SDAD1: variants seen among roughly 807,000 people sequenced by gnomAD.
SDAD1 encodes the protein SDA1 domain containing 1, also known as protein SDA1 homolog.
Under a neutral mutation model 100.3 loss-of-function variants are expected in SDAD1, and 79 were observed. That is an observed-to-expected ratio of 0.79 (90% CI 0.66 to 0.95). SDAD1 has a LOEUF of 0.95. Among genes scored for constraint, SDAD1 ranks in the 40% least tolerant of loss-of-function variants. The probability of loss-of-function intolerance (pLI) is 0.00; values close to 1 mark genes in which losing one functional copy is unlikely to be tolerated. For synonymous variants in SDAD1, 267 were observed against 271.4 expected, an observed-to-expected ratio of 0.98 and a Z score of 0.16; for missense variants, 790 against 810.9, an observed-to-expected ratio of 0.97 and a Z score of 0.31.
intron 21 of SDAD1, among the ~76,000 whole-genome samples, chr4:75,952,799 G>A (rs1397575607): frequency 6.6e-6 from 1 of 152,162 alleles, no homozygotes; most frequent in Non-Finnish European, 1.5e-5. Flanking sequence ...TTAACGACAT[G>A]CTGATTTCAA....
chr4:75,984,460 C>T (rs932651088), intron 1 of SDAD1, among the ~76,000 whole-genome samples: 6 of 152,180 alleles, frequency 3.9e-5, no homozygotes, highest in Non-Finnish European at 8.8e-5. Context: ...AGCCATAGCA[C>T]CTGGCTCCCC....
chr4:75,990,466 C>T (rs1230422895), intron 1 of SDAD1, among the ~76,000 whole-genome samples: 2 of 152,196 alleles, frequency 1.3e-5, no homozygotes, highest in Admixed American at 6.5e-5. Flanking sequence ...CTCTCCACTT[C>T]CGTGCGGACG....
intron 17 of SDAD1, among the ~76,000 whole-genome samples, chr4:75,959,541 T>C (rs1346729731): frequency 6.6e-6 from 1 of 151,678 alleles, no homozygotes; most frequent in South Asian, 2.1e-4. Context: ...GAGATGGAGG[T>C]TGCAGTGAGC....
rs1289281989 is a variant in SDAD1 at position 75,950,402 on chromosome 4, C to A, written c.*348G>T. On this transcript the variant is annotated 3_prime_UTR_variant, in exon 22 of 22. Transcript: ENST00000356260. The stretch of plus-strand genomic sequence containing the variant: ...AACTATTTACACTGCACTGTAAATA[C>A]ACATATGTGTGTCCACCCTCACAGC... 3 of 215,474 alleles carry A rather than the reference C, an allele frequency of 1.4e-5. No homozygotes were observed. The highest frequency in any genetic ancestry group is 2.9e-5 in the Non-Finnish European group (3 of 105,034). The allele number at this position is 215,474 out of a possible 1,614,324, so 13.3% of individuals were successfully genotyped here. A position where few individuals can be genotyped will look rare whatever the true frequency, so the allele number is the denominator to read the frequency against.
chr4:75,958,267 A>G (rs1729018817), intron 17 of SDAD1, among the ~76,000 whole-genome samples: 1 of 152,208 alleles, frequency 6.6e-6, no homozygotes, highest in Non-Finnish European at 1.5e-5. Context: ...CACTGAAATC[A>G]TGAAAATCAT....
rs4317227 is a variant in SDAD1 at position 75,967,810 on chromosome 4, G to A, written c.988-476C>T. 2.4e-4 allele frequency among the ~76,000 whole-genome samples: 23 copies of A among 96,510 alleles called. 1 individual carries two copies. The highest frequency in any genetic ancestry group is 6.4e-3 in the Middle Eastern group (1 of 156). 63.3% of individuals were successfully genotyped at this position (96,510 alleles called of 152,430 possible). ...TATTCTTGTATACCAGTCCAACCAC[G>A]TGGAAGGAGTTGGGTCCAACCACAT... On this transcript the variant is annotated intron_variant, in intron 11 of 21. Transcript: ENST00000356260.
At chr4:75,977,578 T>G (rs1730223314) in intron 4 of SDAD1, 68 bp downstream of exon 4, 1 of 975,730 alleles carries the variant, frequency 1.0e-6, no homozygotes, top group African/African-American at 1.6e-5. Context: ...GCATCGATAA[T>G]TCAAGAGACA....
intron 13 of SDAD1, among the ~76,000 whole-genome samples, chr4:75,965,409 C>T (rs114993797): frequency 2.3e-3 from 357 of 152,280 alleles, no homozygotes; most frequent in Non-Finnish European, 4.0e-3. Flanking sequence ...GTGATCTCGT[C>T]CTGCCTCCAT....
At chr4:75,981,586 A>G (rs3733238) in intron 2 of SDAD1, 116 bp from the exon 3 acceptor site, 367,108 of 1,528,954 alleles carry the variant, frequency 0.24, 46,371 homozygotes, top group East Asian at 0.37. Context: ...ATAGAAGTAG[A>G]TGGTTCCAAA....
Position 75,956,133 on chromosome 4 carries a change from C to A in SDAD1, c.1858G>T (p.Gly620Ter). Residue 620 changes from glycine (G) to a stop codon, truncating the protein, a stop_gained, in exon 21 of 22, where the codon GGA (glycine) becomes TGA (stop). Transcript: ENST00000356260. LOFTEE classifies it high-confidence loss of function. ...KETRLATAMA[G>*]KTDRKEFVRK... ...ACAAATTCTTTTCGGTCTGTCTTTC[C>A]AGCCTACCAGAACAAAAAGTTTGAT... The A allele has an allele frequency of 6.3e-7, 1 of 1,599,516 alleles. No homozygotes were observed. Among genetic ancestry groups the A allele is most frequent in the Non-Finnish European group, 8.5e-7 (1 of 1,176,136 alleles).
In SDAD1 at chr4:75,950,643, C is replaced by T; in HGVS notation, c.*107G>A. 1 of 701,346 alleles carries T rather than the reference C, an allele frequency of 1.4e-6. No homozygotes were observed. The allele number at this position is 701,346 out of a possible 1,614,324, so 43.4% of individuals were successfully genotyped here. ...CACATGTTCAGCAGTTTTCACAATA[C>T]AGTGTGTCTGGACTTTTTAATGTAA... On this transcript the variant is annotated 3_prime_UTR_variant, in exon 22 of 22. Transcript: ENST00000356260.
At chr4:75,968,465 G>C (rs1007002255) in intron 11 of SDAD1, among the ~76,000 whole-genome samples, 2 of 151,966 alleles carry the variant, frequency 1.3e-5, no homozygotes, top group Non-Finnish European at 2.9e-5. Context: ...AACCTTAATG[G>C]TCATTTCTTC....
chr4:75,953,617 G>C (rs1362012651), intron 21 of SDAD1, among the ~76,000 whole-genome samples: 1 of 152,328 alleles, frequency 6.6e-6, no homozygotes, highest in East Asian at 1.9e-4. Flanking sequence ...AGAGTCAACA[G>C]GGAGAGCTAA....
At chr4:75,981,276 G>T in intron 3 of SDAD1, 96 bp downstream of exon 3, 2 of 1,124,644 alleles carry the variant, frequency 1.8e-6, no homozygotes, top group Non-Finnish European at 2.6e-6. Context: ...TACGTTTTCT[G>T]AAGATAATTA....
chr4:75,975,666 G>GT, intron 6 of SDAD1, 78 bp downstream of exon 6: 1 of 961,738 alleles, frequency 1.0e-6, no homozygotes, highest in East Asian at 2.4e-5. Flanking sequence ...CTCAAGAAAA[G>GT]TATTTGTATA....
Position 75,950,663 on chromosome 4 carries a change from A to C in SDAD1, c.*87T>G. 1 of 937,114 alleles carries C rather than the reference A, an allele frequency of 1.1e-6. No individual in the cohort carries two copies. The highest frequency in any genetic ancestry group is 1.6e-6 in the Non-Finnish European group (1 of 608,992). The allele number at this position is 937,114 out of a possible 1,614,324, so 58.0% of individuals were successfully genotyped here. On this transcript the variant is annotated 3_prime_UTR_variant, in exon 22 of 22. Coordinates refer to ENST00000356260, the MANE Select transcript of SDAD1 (RefSeq NM_018115.4). The stretch of plus-strand genomic sequence containing the variant: ...CAATACAGTGTGTCTGGACTTTTTA[A>C]TGTAAACAAACATGCTTGATTTACC...
chr4:75,956,237 G>GC (rs950569895), intron 20 of SDAD1, 101 bp from the exon 21 acceptor site: 1 of 1,296,576 alleles, frequency 7.7e-7, no homozygotes, highest in Non-Finnish European at 1.1e-6. Context: ...TCTACTAGGT[G>GC]CCAAGGGCAC....
chr4:75,969,340 T>C lies in SDAD1; in HGVS notation c.943A>G (p.Met315Val), dbSNP rs146424769. The change falls in exon 11 of 22, where the codon ATG (methionine) becomes GTG (valine). Residue 315 changes from methionine (M) to valine (V), a missense_variant. Physicochemically the swap from Met to Val is conservative, Grantham distance 21. Transcript: ENST00000356260. ...ECCKERFEVK[M>V]MLMNLISRLV... Reference sequence around the variant, plus strand: ...CTGGAGATAAGGTTCATGAGCATCATCTTCACTTCAAACCTCTCCTTACAG... The same window carrying C: ...CTGGAGATAAGGTTCATGAGCATCACCTTCACTTCAAACCTCTCCTTACAG... 3.8e-5 allele frequency: 61 copies of C among 1,613,812 alleles called. No individual in the cohort carries two copies. Among genetic ancestry groups the C allele is most frequent in the Middle Eastern group, 1.6e-4 (1 of 6,084 alleles).
At chr4:75,951,568 C>G (rs754568993) in intron 21 of SDAD1, among the ~76,000 whole-genome samples, 26 of 152,264 alleles carry the variant, frequency 1.7e-4, no homozygotes, top group Non-Finnish European at 3.4e-4. Flanking sequence ...TAATGAGACT[C>G]AGTCTAGGCT....
Sources: allele counts gnomAD v4.1 joint callset (sites outside exome capture counted in the v4.1 genomes callset), GRCh38; gene constraint gnomAD v4.1.1; transcripts MANE v1.5; gene names NCBI Gene and HGNC (gene_info 2026-07-23, HGNC 2026-07-21).